Variants in KCNMB2 observed in about 807,000 individuals in gnomAD.
The protein encoded by KCNMB2 is calcium-activated potassium channel subunit beta-2.
Under a neutral mutation model 24.5 loss-of-function variants are expected in KCNMB2, and 9 were observed. The observed-to-expected ratio is 0.37, with a 90% CI of 0.22 to 0.64. The LOEUF (loss-of-function observed/expected upper bound fraction) is 0.64. Among genes scored for constraint, KCNMB2 ranks in the 30% least tolerant of loss-of-function variants. The pLI is 0.63. For synonymous variants in KCNMB2, 109 were observed against 104.4 expected (o/e 1.04, Z -0.27); for missense variants, 226 against 284.3 (o/e 0.79, Z 1.47).
intron 1 of KCNMB2, among the ~76,000 whole-genome samples, chr3:178,628,704 T>C (rs1719204980): frequency 6.6e-6 from 1 of 152,120 alleles, no homozygotes; most frequent in Non-Finnish European, 1.5e-5. Context: ...CTTTCTGGTG[T>C]TTATATTAAG....
At chr3:178,683,321 G>A (rs1165130069) in intron 1 of KCNMB2, among the ~76,000 whole-genome samples, 1 of 151,504 alleles carries the variant, frequency 6.6e-6, no homozygotes. Flanking sequence ...GGGACTACTA[G>A]ATGGCACAGA....
At chr3:178,784,675 C>A (rs575570667) in intron 1 of KCNMB2, among the ~76,000 whole-genome samples, 2 of 151,918 alleles carry the variant, frequency 1.3e-5, no homozygotes, top group South Asian at 4.2e-4. Context: ...TTTTCTTTGA[C>A]CTGTAGCCAT....
intron 1 of KCNMB2, among the ~76,000 whole-genome samples, chr3:178,734,210 T>C (rs759193542): frequency 6.6e-6 from 1 of 152,194 alleles, no homozygotes. Flanking sequence ...CTGAAGGTAA[T>C]TTTAGACAAT....
intron 1 of KCNMB2, among the ~76,000 whole-genome samples, chr3:178,662,862 G>A (rs958334693): frequency 9.2e-5 from 14 of 152,064 alleles, no homozygotes; most frequent in African/African-American, 3.1e-4. Flanking sequence ...CCATTTGCAC[G>A]TGATAAAACA....
At chr3:178,840,150 C>A (rs2108478907) in intron 4 of KCNMB2, among the ~76,000 whole-genome samples, 1 of 152,300 alleles carries the variant, frequency 6.6e-6, no homozygotes, top group Middle Eastern at 3.4e-3. Flanking sequence ...CATACAAGTC[C>A]AAAACCTGGA....
At chr3:178,591,182 C>T (rs1166610830) in intron 1 of KCNMB2, among the ~76,000 whole-genome samples, 1 of 151,154 alleles carries the variant, frequency 6.6e-6, no homozygotes, top group Non-Finnish European at 1.5e-5. Flanking sequence ...GATCTGAGGA[C>T]TCCAATGGAA....
At chr3:178,550,253 G>A (rs1202784184) in intron 1 of KCNMB2, among the ~76,000 whole-genome samples, 5 of 150,892 alleles carry the variant, frequency 3.3e-5, no homozygotes, top group Admixed American at 2.6e-4. Context: ...GATCGAGACT[G>A]TCCTGGCTAA....
chr3:178,823,853 T>TA (rs1714728421), intron 2 of KCNMB2, among the ~76,000 whole-genome samples: 1 of 152,148 alleles, frequency 6.6e-6, no homozygotes, highest in African/African-American at 2.4e-5. Flanking sequence ...CGATTAGCCA[T>TA]AAAAATTTGA....
intron 1 of KCNMB2, among the ~76,000 whole-genome samples, chr3:178,718,861 G>A (rs773197709): frequency 1.3e-5 from 2 of 152,098 alleles, no homozygotes; most frequent in African/African-American, 2.4e-5. Flanking sequence ...ACAAATCTCT[G>A]TCTCATTCTA....
At chr3:178,721,875 T>A (rs1183535342) in intron 1 of KCNMB2, among the ~76,000 whole-genome samples, 1 of 152,134 alleles carries the variant, frequency 6.6e-6, no homozygotes. Context: ...TTTTTAAATC[T>A]ACTTTGGTGA....
intron 1 of KCNMB2, among the ~76,000 whole-genome samples, chr3:178,681,692 C>A (rs917221573): frequency 2.0e-5 from 3 of 152,194 alleles, no homozygotes; most frequent in Admixed American, 6.5e-5. Flanking sequence ...ACTGTCATAT[C>A]GACTACCTGA....
chr3:178,540,452 A>G (rs1197711121), intron 1 of KCNMB2, among the ~76,000 whole-genome samples: 1 of 152,104 alleles, frequency 6.6e-6, no homozygotes, highest in Non-Finnish European at 1.5e-5. Context: ...AAAGCCTCCA[A>G]TGTCTTTCTG....
chr3:178,590,683 C>G (rs1560121490), intron 1 of KCNMB2, among the ~76,000 whole-genome samples: 3 of 152,148 alleles, frequency 2.0e-5, no homozygotes. Flanking sequence ...AATTAATGCA[C>G]AGAACAGTTA....
At chr3:178,797,734 C>A (rs1713607591) in intron 1 of KCNMB2, among the ~76,000 whole-genome samples, 1 of 152,150 alleles carries the variant, frequency 6.6e-6, no homozygotes, top group Admixed American at 6.5e-5. Context: ...GGCAGTATGG[C>A]CATTTTCATG....
intron 1 of KCNMB2, among the ~76,000 whole-genome samples, chr3:178,549,235 TAGAG>T (rs994890700): frequency 2.0e-5 from 3 of 151,746 alleles, no homozygotes; most frequent in African/African-American, 7.3e-5. Context: ...GACTCTGAAA[TAGAG>T]AGAAGAGAGA....
intron 1 of KCNMB2, among the ~76,000 whole-genome samples, chr3:178,773,130 G>A (rs547892808): frequency 1.8e-4 from 27 of 152,230 alleles, no homozygotes; most frequent in South Asian, 1.0e-3. Context: ...GGCTGTTCCC[G>A]GATCACACAG....
rs1290850325 is a variant in KCNMB2 at position 178,541,745 on chromosome 3, C to A, written c.-68+5034C>A. Among the ~76,000 whole-genome samples, 2 of 152,138 alleles carry A rather than the reference C, an allele frequency of 1.3e-5. 1 individual carries two copies. The highest frequency in any genetic ancestry group is 2.9e-5 in the Non-Finnish European group (2 of 68,012). On this transcript the variant is annotated intron_variant, in intron 1 of 4. Coordinates refer to ENST00000452583, the MANE Select transcript of KCNMB2 (RefSeq NM_181361.3). The stretch of plus-strand genomic sequence containing the variant: ...CTTGGTTTGAATCTCACCTTTTCTA[C>A]TTCATGTTGTTAGATATGAGTTCTA...
chr3:178,754,917 G>A (rs6797721), intron 1 of KCNMB2, among the ~76,000 whole-genome samples: 3 of 152,088 alleles, frequency 2.0e-5, no homozygotes, highest in Admixed American at 6.5e-5. Flanking sequence ...TTCCTCTCCC[G>A]CAGCCTCTAA....
chr3:178,746,024 G>A (rs898844862), intron 1 of KCNMB2, among the ~76,000 whole-genome samples: 4 of 152,300 alleles, frequency 2.6e-5, no homozygotes, highest in South Asian at 2.1e-4. Flanking sequence ...GGGGTCTGGA[G>A]GATGGTGACC....
Sources: gnomAD v4.1 joint callset for allele counts (sites outside exome capture counted in the v4.1 genomes callset) on GRCh38, gnomAD v4.1.1 for gene constraint, MANE v1.5 for transcripts, NCBI Gene and HGNC (gene_info 2026-07-23, HGNC 2026-07-21) for gene names.